KAZN: variants seen among roughly 807,000 people sequenced by gnomAD.
KAZN encodes kazrin.
In KAZN, 40 loss-of-function variants were observed where a neutral mutation model predicts 87.4. The observed-to-expected ratio is 0.46, with a 90% CI of 0.36 to 0.60. The LOEUF (loss-of-function observed/expected upper bound fraction) is 0.60, where lower values mean the gene tolerates loss of function less well. Ranked by LOEUF, KAZN falls within the 20% of genes least tolerant of loss-of-function variation. The pLI, the probability that KAZN is intolerant of heterozygous loss-of-function variation, is 0.00. For missense variants in KAZN, 898 were observed against 1,073.9 expected, an observed-to-expected ratio of 0.84 and a Z score of 2.29; for synonymous variants, 466 against 458.3, an observed-to-expected ratio of 1.02 and a Z score of -0.22.
chr1:14,217,482 TA>T (rs1194056587), intron 2 of KAZN, among the ~76,000 whole-genome samples: 6 of 151,964 alleles, frequency 3.9e-5, no homozygotes, highest in African/African-American at 1.4e-4. Context: ...GGAAGATTTA[TA>T]AATGAAGTTA....
intron 1 of KAZN, among the ~76,000 whole-genome samples, chr1:14,681,933 C>T (rs570619006): frequency 1.1e-4 from 17 of 151,812 alleles, no homozygotes; most frequent in Admixed American, 7.2e-4. Flanking sequence ...CCTCGTGATC[C>T]GCCCAGCCTC....
At chr1:15,013,339 G>A (rs1293370993) in intron 2 of KAZN, among the ~76,000 whole-genome samples, 3 of 152,174 alleles carry the variant, frequency 2.0e-5, no homozygotes, top group African/African-American at 7.2e-5. Flanking sequence ...GGAGGGGGAA[G>A]CTAGACAGTA....
chr1:14,662,689 CTGTG>C (rs1320787893), intron 1 of KAZN, among the ~76,000 whole-genome samples: 1 of 150,162 alleles, frequency 6.7e-6, no homozygotes, highest in Non-Finnish European at 1.5e-5. Context: ...GAGTGTTTGC[CTGTG>C]TGTGTGTATG....
intron 1 of KAZN, among the ~76,000 whole-genome samples, chr1:14,808,532 A>G (rs1430575290): frequency 1.3e-5 from 2 of 151,460 alleles, no homozygotes; most frequent in Non-Finnish European, 2.9e-5. Context: ...TCCTGACCTC[A>G]AGTGATCCAC....
At chr1:15,079,970 T>C (rs2100625587) in intron 8 of KAZN, among the ~76,000 whole-genome samples, 1 of 152,372 alleles carries the variant, frequency 6.6e-6, no homozygotes, top group Non-Finnish European at 1.5e-5. Context: ...CTGGACCTCT[T>C]AGCAGCTTCC....
chr1:14,676,339 T>C (rs1640217488), intron 1 of KAZN, among the ~76,000 whole-genome samples: 1 of 152,212 alleles, frequency 6.6e-6, no homozygotes, highest in Non-Finnish European at 1.5e-5. Context: ...CCCAGAGACA[T>C]TGAGCTTGAG....
chr1:14,771,680 G>A (rs1254006254), intron 1 of KAZN, among the ~76,000 whole-genome samples: 3 of 152,102 alleles, frequency 2.0e-5, no homozygotes, highest in Non-Finnish European at 4.4e-5. Context: ...ACAAAAATTA[G>A]CCAGGCCTGG....
intron 2 of KAZN, among the ~76,000 whole-genome samples, chr1:14,197,970 G>A (rs899973744): frequency 1.3e-5 from 2 of 152,096 alleles, no homozygotes; most frequent in Non-Finnish European, 2.9e-5. Flanking sequence ...AAAGACATGT[G>A]TCCTCAGATT....
intron 1 of KAZN, among the ~76,000 whole-genome samples, chr1:14,058,861 C>G (rs1226234852): frequency 6.6e-6 from 1 of 152,180 alleles, no homozygotes. Context: ...ACAGGACTTT[C>G]CAACCAGGAT....
intron 1 of KAZN, among the ~76,000 whole-genome samples, chr1:14,014,850 C>T (rs192057979): frequency 1.6e-4 from 24 of 152,246 alleles, no homozygotes; most frequent in African/African-American, 4.6e-4. Flanking sequence ...TACCCTAATC[C>T]GATTTGCACT....
chr1:14,867,735 C>CA (rs1553148166), intron 1 of KAZN, among the ~76,000 whole-genome samples: 8 of 121,570 alleles, frequency 6.6e-5, no homozygotes, highest in Non-Finnish European at 1.0e-4. Context: ...CCCCCCCCCC[C>CA]ACCCTGGGCA....
intron 2 of KAZN, among the ~76,000 whole-genome samples, chr1:14,327,913 A>G (rs16853957): frequency 0.028 from 4,277 of 152,310 alleles, 225 homozygotes; most frequent in African/African-American, 0.097. Flanking sequence ...TGGTCTTGCT[A>G]AGCTATCTGG....
chr1:14,442,309 T>C (rs1197186941), intron 2 of KAZN, among the ~76,000 whole-genome samples: 1 of 152,254 alleles, frequency 6.6e-6, no homozygotes, highest in Non-Finnish European at 1.5e-5. Flanking sequence ...ATGCCTGATA[T>C]GCTAATTGGA....
intron 2 of KAZN, among the ~76,000 whole-genome samples, chr1:14,408,895 G>C (rs1474916721): frequency 6.6e-6 from 1 of 152,066 alleles, no homozygotes; most frequent in Admixed American, 6.6e-5. Flanking sequence ...AGAGGATGGG[G>C]TAGAGAATAA....
chr1:15,101,794 G>A lies in KAZN; in HGVS notation c.1779+20G>A, dbSNP rs1486026005. The A allele has an allele frequency of 3.3e-6, 5 of 1,534,524 alleles. No individual in the cohort carries two copies. Among genetic ancestry groups the A allele is most frequent in the Non-Finnish European group, 3.5e-6 (4 of 1,130,368 alleles). Reference sequence around the variant, plus strand: ...AGGGAGGTGAGGACCAGGGCACAGGGTGGGGGCACCTTCCACTGCCCACCC... The same window carrying A: ...AGGGAGGTGAGGACCAGGGCACAGGATGGGGGCACCTTCCACTGCCCACCC... On this transcript the variant is annotated intron_variant, in intron 11 of 14. Transcript: ENST00000376030.
chr1:14,767,472 A>C (rs1242580789), intron 1 of KAZN, among the ~76,000 whole-genome samples: 1 of 152,152 alleles, frequency 6.6e-6, no homozygotes, highest in East Asian at 1.9e-4. Context: ...TTTTTTTCCC[A>C]GGGGATTTTA....
intron 1 of KAZN, among the ~76,000 whole-genome samples, chr1:14,787,871 G>A (rs72636679): frequency 0.067 from 10,229 of 152,150 alleles, 452 homozygotes; most frequent in African/African-American, 0.12. Flanking sequence ...AGAAAACCTG[G>A]GGAACCAGTT....
intron 1 of KAZN, among the ~76,000 whole-genome samples, chr1:14,944,227 TAAAAAA>T (rs34463773): frequency 7.8e-6 from 1 of 127,644 alleles, no homozygotes. Flanking sequence ...CTCCCCCTCC[TAAAAAA>T]AAAAAAAAAA....
At chr1:14,601,252 T>A (rs1006782718) in intron 1 of KAZN, among the ~76,000 whole-genome samples, 2 of 152,176 alleles carry the variant, frequency 1.3e-5, no homozygotes, top group Non-Finnish European at 2.9e-5. Context: ...AATCAGAAAA[T>A]AAAATGTTCA....
Sources: allele counts gnomAD v4.1 joint callset (sites outside exome capture counted in the v4.1 genomes callset), GRCh38; gene constraint gnomAD v4.1.1; transcripts MANE v1.5; gene names NCBI Gene and HGNC (gene_info 2026-07-23, HGNC 2026-07-21).